Variants in SFSWAP observed in about 807,000 individuals in gnomAD.
SFSWAP encodes the protein splicing factor SWAP, also known as splicing factor, suppressor of white-apricot homolog.
Under a neutral mutation model 100.7 loss-of-function variants are expected in SFSWAP, and 17 were observed. That is an observed-to-expected ratio of 0.17 (90% CI 0.12 to 0.25). The LOEUF (loss-of-function observed/expected upper bound fraction) is 0.25, where lower values mean the gene tolerates loss of function less well. SFSWAP is among the 10% of genes least tolerant of loss of function. SFSWAP has a pLI of 1.00. For missense variants in SFSWAP, 1,005 were observed against 1,262.6 expected, an observed-to-expected ratio of 0.80 and a Z score of 3.09; for synonymous variants, 504 against 510.1, an observed-to-expected ratio of 0.99 and a Z score of 0.16.
intron 3 of SFSWAP, among the ~76,000 whole-genome samples, chr12:131,716,436 G>A (rs2136175958): frequency 6.6e-6 from 1 of 152,230 alleles, no homozygotes; most frequent in South Asian, 2.1e-4. Context: ...TCCTTCCTCG[G>A]GTTCTGGATA....
chr12:131,759,268 C>A (rs965578724), intron 11 of SFSWAP, among the ~76,000 whole-genome samples: 3 of 152,020 alleles, frequency 2.0e-5, no homozygotes, highest in Admixed American at 2.0e-4. Flanking sequence ...GACCTATAGA[C>A]CTGAAAGAAT....
intron 11 of SFSWAP, among the ~76,000 whole-genome samples, chr12:131,758,745 G>A (rs1882401167): frequency 6.6e-6 from 1 of 152,168 alleles, no homozygotes; most frequent in Admixed American, 6.5e-5. Flanking sequence ...CCAGGAATTC[G>A]AGACCAGCCT....
At chr12:131,745,345 A>T (rs1270800727) in intron 7 of SFSWAP, among the ~76,000 whole-genome samples, 1 of 152,202 alleles carries the variant, frequency 6.6e-6, no homozygotes, top group Non-Finnish European at 1.5e-5. Context: ...AAATTATCTG[A>T]GTTCAGGAGA....
chr12:131,779,207 G>C (rs907803916), intron 14 of SFSWAP, among the ~76,000 whole-genome samples: 10 of 150,088 alleles, frequency 6.7e-5, no homozygotes, highest in African/African-American at 2.4e-4. Flanking sequence ...GCGCGGATGA[G>C]TGTGTGTGAA....
intron 12 of SFSWAP, 96 bp from the exon 13 acceptor site, chr12:131,766,022 C>A: frequency 8.2e-7 from 1 of 1,223,282 alleles, no homozygotes; most frequent in Non-Finnish European, 1.1e-6. Flanking sequence ...CTTTAACTAA[C>A]TGCATTGTAT....
In SFSWAP at chr12:131,739,699, C is replaced by G. The variant is rs148704620; in HGVS notation, c.1081+11271C>G. 1.4e-3 allele frequency among the ~76,000 whole-genome samples: 211 copies of G among 151,908 alleles called. 1 individual carries two copies. In the Middle Eastern group the frequency reaches 0.017, roughly 12 times the overall value. On this transcript the variant is annotated intron_variant, in intron 7 of 17. Coordinates refer to ENST00000261674, the MANE Select transcript of SFSWAP (RefSeq NM_004592.4). Reference sequence around the variant, plus strand: ...CAGCTGGGAGTACAGGCGCCCGCCACCATGCCCGATTAATTTTTTGTATTT... The same window carrying G: ...CAGCTGGGAGTACAGGCGCCCGCCAGCATGCCCGATTAATTTTTTGTATTT...
chr12:131,754,815 TAG>T, intron 9 of SFSWAP, among the ~76,000 whole-genome samples: 1 of 151,996 alleles, frequency 6.6e-6, no homozygotes, highest in East Asian at 1.9e-4. Context: ...TGTATTTTGG[TAG>T]AGACAGGGTT....
chr12:131,720,084 G>C (rs986466316), intron 4 of SFSWAP, among the ~76,000 whole-genome samples: 5 of 152,174 alleles, frequency 3.3e-5, no homozygotes, highest in Non-Finnish European at 5.9e-5. Flanking sequence ...TTTGCAACTG[G>C]TTACTGTCTG....
At chr12:131,774,161 G>A (rs1265333048) in intron 13 of SFSWAP, among the ~76,000 whole-genome samples, 1 of 152,216 alleles carries the variant, frequency 6.6e-6, no homozygotes, top group Admixed American at 6.5e-5. Flanking sequence ...GGCAGGGGTG[G>A]GAGGATGCAC....
At chr12:131,712,687 G>C (rs984850891) in intron 1 of SFSWAP, 2 of 152,206 alleles carry the variant, frequency 1.3e-5, no homozygotes, top group African/African-American at 4.8e-5. Context: ...GGAGGGCCGC[G>C]GAATCAGATC....
At chr12:131,743,770 G>T (rs761722762) in intron 7 of SFSWAP, among the ~76,000 whole-genome samples, 3 of 152,226 alleles carry the variant, frequency 2.0e-5, no homozygotes, top group Non-Finnish European at 4.4e-5. Context: ...CCTCCACACT[G>T]CCCTAGCAAA....
chr12:131,798,635 A>T (rs1451249850), intron 16 of SFSWAP, among the ~76,000 whole-genome samples: 1 of 152,236 alleles, frequency 6.6e-6, no homozygotes, highest in East Asian at 1.9e-4. Flanking sequence ...CACGCCTATA[A>T]TCCCAGCACT....
chr12:131,791,629 G>A (rs1347465984), intron 15 of SFSWAP, among the ~76,000 whole-genome samples: 2 of 152,026 alleles, frequency 1.3e-5, no homozygotes, highest in African/African-American at 4.8e-5. Flanking sequence ...GTGTGCGTCT[G>A]TAATCCCAGC....
chr12:131,749,910 T>A (rs961885033), intron 7 of SFSWAP, among the ~76,000 whole-genome samples: 7 of 152,208 alleles, frequency 4.6e-5, no homozygotes, highest in Non-Finnish European at 8.8e-5. Flanking sequence ...CTCCTGAGTC[T>A]GCCAAGGAGG....
At chr12:131,746,350 C>A (rs1881100915) in intron 7 of SFSWAP, among the ~76,000 whole-genome samples, 1 of 152,128 alleles carries the variant, frequency 6.6e-6, no homozygotes, top group East Asian at 1.9e-4. Flanking sequence ...GTAATGGTGC[C>A]ATCTTTTAAG....
intron 7 of SFSWAP, among the ~76,000 whole-genome samples, chr12:131,740,343 G>A (rs545268693): frequency 9.8e-5 from 15 of 152,298 alleles, no homozygotes; most frequent in South Asian, 2.1e-4. Flanking sequence ...TGGAAAGGGC[G>A]AGGCCAGCCC....
chr12:131,766,447 A>C (rs1359090080), intron 13 of SFSWAP, 139 bp downstream of exon 13: 1 of 781,728 alleles, frequency 1.3e-6, no homozygotes, highest in Non-Finnish European at 2.1e-6. Context: ...GACATGGTTG[A>C]GTGGCTTTTA....
At chr12:131,742,233 C>G (rs1339576570) in intron 7 of SFSWAP, among the ~76,000 whole-genome samples, 4 of 152,196 alleles carry the variant, frequency 2.6e-5, no homozygotes, top group Non-Finnish European at 5.9e-5. Context: ...ATTGGCATTT[C>G]CACCTGCTTC....
At position 131,766,157 on chromosome 12, in the gene SFSWAP, G is replaced by A. The variant is rs760220013; in HGVS notation, c.1991G>A (p.Arg664Gln). The change falls in exon 13 of 18, where the codon CGG becomes CAG. Residue 664 changes from arginine to glutamine, a missense_variant. Physicochemically the swap from Arg to Gln is conservative, Grantham distance 43. Transcript: ENST00000261674. Reference protein sequence around the residue: ...KLEDRLAAAAREKLAQASKES... With the variant: ...KLEDRLAAAAQEKLAQASKES... ...GAAGATCGCCTCGCAGCTGCTGCCCGGGAAAAGCTGGCCCAGGCGTCTAAG... is the reference window on the plus strand; with the variant it reads ...GAAGATCGCCTCGCAGCTGCTGCCCAGGAAAAGCTGGCCCAGGCGTCTAAG... 6.2e-7 allele frequency: 1 copy of A among 1,613,592 alleles called. No homozygotes were observed. The highest frequency in any genetic ancestry group is 8.5e-7 in the Non-Finnish European group (1 of 1,179,796).
Sources: allele counts gnomAD v4.1 joint callset (sites outside exome capture counted in the v4.1 genomes callset), GRCh38; gene constraint gnomAD v4.1.1; transcripts MANE v1.5; gene names NCBI Gene and HGNC (gene_info 2026-07-23, HGNC 2026-07-21).